Variants in CLOCK observed in about 807,000 individuals in gnomAD.
The protein encoded by CLOCK is clock circadian regulator.
CLOCK carries 43 observed loss-of-function variants against 118.4 expected under a neutral mutation model. The ratio of observed to expected loss-of-function variants is 0.36; its 90% confidence interval spans 0.28 to 0.47. CLOCK has a LOEUF of 0.47. Among genes scored for constraint, CLOCK ranks in the 20% least tolerant of loss-of-function variants. The pLI is 1.00. For missense variants in CLOCK, 846 were observed against 999.9 expected (o/e 0.85, Z 2.08); for synonymous variants, 326 against 339.2 (o/e 0.96, Z 0.43).
At chr4:55,459,306 AC>A (rs1204402030) in intron 9 of CLOCK, 45 bp from the exon 10 acceptor site, 4 of 1,121,542 alleles carry the variant, frequency 3.6e-6, no homozygotes, top group Non-Finnish European at 5.4e-6. Flanking sequence ...CTGATATAAA[AC>A]AATGATTGAT....
chr4:55,483,585 G>C (rs959228256), intron 3 of CLOCK, among the ~76,000 whole-genome samples: 5 of 152,092 alleles, frequency 3.3e-5, no homozygotes, highest in Non-Finnish European at 2.9e-5. Context: ...ACAGGCTGGA[G>C]GACAGAAACA....
At chr4:55,477,804 G>A (rs1470340962) in intron 6 of CLOCK, among the ~76,000 whole-genome samples, 1 of 151,932 alleles carries the variant, frequency 6.6e-6, no homozygotes, top group East Asian at 1.9e-4. Flanking sequence ...ACATTTAGAG[G>A]GTAGAAAGAG....
In CLOCK at chr4:55,433,768, T is replaced by C. The variant is rs1722673657; in HGVS notation, c.*1647A>G. The C allele has an allele frequency of 6.6e-6, 1 of 152,218 alleles. No homozygotes were observed. Among genetic ancestry groups the C allele is most frequent in the South Asian group, 2.1e-4 (1 of 4,834 alleles). The allele number at this position is 152,218 out of a possible 1,614,324, so 9.4% of individuals were successfully genotyped here. ...TAAATGTATGTAACTTGTATTGGAA[T>C]TTATTACTTTTAGAATATGATATTG... On this transcript the variant is annotated 3_prime_UTR_variant, in exon 23 of 23. Coordinates refer to ENST00000513440, the MANE Select transcript of CLOCK (RefSeq NM_004898.4).
chr4:55,495,110 T>C (rs1281459655), intron 2 of CLOCK, among the ~76,000 whole-genome samples: 1 of 152,126 alleles, frequency 6.6e-6, no homozygotes, highest in Non-Finnish European at 1.5e-5. Context: ...CCATTCTTTT[T>C]ACATCAGTCA....
At position 55,447,519 on chromosome 4, in the gene CLOCK, T is replaced by C. The variant is rs546020621; in HGVS notation, c.1539+1260A>G. ...AGAAAATAGTAACAAACACAGAAGG[T>C]AGGATAACAGGAAGTAAAACCACAG... On this transcript the variant is annotated intron_variant, in intron 18 of 22. Coordinates refer to ENST00000513440, the MANE Select transcript of CLOCK (RefSeq NM_004898.4). Among the ~76,000 whole-genome samples, 87 of 152,198 alleles carry C rather than the reference T, an allele frequency of 5.7e-4. 1 individual carries two copies. The highest frequency in any genetic ancestry group is 4.9e-3 in the Admixed American group (75 of 15,294).
chr4:55,444,176 C>G (rs3736545), intron 19 of CLOCK, among the ~76,000 whole-genome samples: 88,868 of 151,994 alleles, frequency 0.58, 27,590 homozygotes, highest in South Asian at 0.81. Flanking sequence ...TATAACATCA[C>G]ACAGAAGTAG....
chr4:55,489,700 CTG>C (rs1727544206), intron 2 of CLOCK, among the ~76,000 whole-genome samples: 2 of 152,100 alleles, frequency 1.3e-5, no homozygotes, highest in South Asian at 2.1e-4. Context: ...TATTAAAAAA[CTG>C]TAACTATAAA....
chr4:55,529,915 A>T (rs1427240782), intron 1 of CLOCK, among the ~76,000 whole-genome samples: 2 of 152,250 alleles, frequency 1.3e-5, no homozygotes, highest in East Asian at 3.8e-4. Context: ...TTCGCAGGTC[A>T]GAAACATACA....
intron 19 of CLOCK, 85 bp from the exon 20 acceptor site, chr4:55,443,981 A>G: frequency 3.2e-6 from 4 of 1,243,974 alleles, no homozygotes; most frequent in Non-Finnish European, 2.3e-6. Flanking sequence ...ATCAAGCTAC[A>G]AAGTATGTTT....
chr4:55,445,878 G>A (rs1226845777), intron 18 of CLOCK, among the ~76,000 whole-genome samples: 2 of 151,914 alleles, frequency 1.3e-5, no homozygotes, highest in Admixed American at 6.6e-5. Flanking sequence ...ATACAGGCAT[G>A]AGCCACCACA....
chr4:55,467,738 A>T (rs762526974), intron 8 of CLOCK, among the ~76,000 whole-genome samples: 4 of 152,216 alleles, frequency 2.6e-5, no homozygotes, highest in African/African-American at 4.8e-5. Context: ...CAGAAAACTC[A>T]GTTAATCAGT....
At chr4:55,537,222 T>A (rs1730961752) in intron 1 of CLOCK, among the ~76,000 whole-genome samples, 1 of 152,080 alleles carries the variant, frequency 6.6e-6, no homozygotes, top group African/African-American at 2.4e-5. Flanking sequence ...GAGGCTCACA[T>A]CTGTATCCCA....
rs374799679 is a variant in CLOCK at position 55,540,135 on chromosome 4, G to A, written c.-290+6647C>T. 1.1e-4 allele frequency among the ~76,000 whole-genome samples: 17 copies of A among 151,530 alleles called. No homozygotes were observed. The East Asian group carries it at 2.1e-3, about 19-fold the overall frequency. ...CAATTCTCCTGCCTTAGCCTCCCAA[G>A]TAGCTGGGATTACAGGCACCCGCCA... On this transcript the variant is annotated intron_variant, in intron 1 of 22. Coordinates refer to ENST00000513440, the MANE Select transcript of CLOCK (RefSeq NM_004898.4).
chr4:55,469,361 G>A (rs1209648032), intron 8 of CLOCK, among the ~76,000 whole-genome samples: 1 of 152,098 alleles, frequency 6.6e-6, no homozygotes, highest in Non-Finnish European at 1.5e-5. Flanking sequence ...TCCCAAAAGT[G>A]CAGGGATTAC....
intron 2 of CLOCK, among the ~76,000 whole-genome samples, chr4:55,499,933 C>T (rs1394600310): frequency 1.3e-5 from 2 of 152,180 alleles, no homozygotes; most frequent in Non-Finnish European, 2.9e-5. Context: ...GCTCCAGCTT[C>T]CAGAGTTCTC....
intron 1 of CLOCK, among the ~76,000 whole-genome samples, chr4:55,536,705 T>C (rs145137928): frequency 2.0e-5 from 3 of 152,300 alleles, no homozygotes; most frequent in Non-Finnish European, 4.4e-5. Context: ...TATTCTTTTA[T>C]AGTAATGCAA....
At chr4:55,492,371 G>GAAAAAAAAA (rs1727767299) in intron 2 of CLOCK, among the ~76,000 whole-genome samples, 4 of 147,312 alleles carry the variant, frequency 2.7e-5, no homozygotes, top group Admixed American at 6.7e-5. Flanking sequence ...AAAAAAAAAC[G>GAAAAAAAAA]CCATTCAACA....
intron 9 of CLOCK, among the ~76,000 whole-genome samples, chr4:55,463,477 A>T (rs1725516186): frequency 1.3e-5 from 2 of 152,138 alleles, no homozygotes; most frequent in Admixed American, 1.3e-4. Context: ...AACAAATAAG[A>T]TGGGATTTCA....
chr4:55,527,437 T>C (rs1259853836), intron 1 of CLOCK, among the ~76,000 whole-genome samples: 1 of 152,106 alleles, frequency 6.6e-6, no homozygotes, highest in Non-Finnish European at 1.5e-5. Flanking sequence ...AACAAAACTA[T>C]ACAACACATA....
Sources: allele counts gnomAD v4.1 joint callset (sites outside exome capture counted in the v4.1 genomes callset), GRCh38; gene constraint gnomAD v4.1.1; transcripts MANE v1.5; gene names NCBI Gene and HGNC (gene_info 2026-07-23, HGNC 2026-07-21).